The following HIVEP3 variants were observed in gnomAD, a reference collection of about 807,000 sequenced individuals.
HIVEP3 encodes the protein HIVEP zinc finger 3, also known as transcription factor HIVEP3.
HIVEP3 carries 49 observed loss-of-function variants against 152.8 expected under a neutral mutation model. The ratio of observed to expected loss-of-function variants is 0.32; its 90% CI spans 0.26 to 0.41. The LOEUF (loss-of-function observed/expected upper bound fraction) is 0.41, where lower values mean the gene tolerates loss of function less well. Ranked by LOEUF, HIVEP3 falls within the 10% of genes least tolerant of loss-of-function variation. The pLI, the probability that HIVEP3 is intolerant of heterozygous loss-of-function variation, is 1.00. For missense variants in HIVEP3, 2,790 were observed against 3,103.3 expected, an observed-to-expected ratio of 0.90 and a Z score of 2.40; for synonymous variants, 1,269 against 1,289.0, an observed-to-expected ratio of 0.98 and a Z score of 0.33.
intron 3 of HIVEP3, among the ~76,000 whole-genome samples, chr1:41,625,958 A>G (rs1463280509): frequency 6.6e-6 from 1 of 152,252 alleles, no homozygotes; most frequent in Non-Finnish European, 1.5e-5. Context: ...TAAGACTATA[A>G]AAGTTTGAAA....
chr1:41,843,960 T>C (rs1287128220), intron 1 of HIVEP3, among the ~76,000 whole-genome samples: 4 of 152,018 alleles, frequency 2.6e-5, no homozygotes, highest in African/African-American at 9.6e-5. Context: ...CCCCTTCCTG[T>C]GTCCATGTGT....
intron 3 of HIVEP3, among the ~76,000 whole-genome samples, chr1:41,594,202 T>A (rs1644630693): frequency 6.6e-6 from 1 of 152,208 alleles, no homozygotes; most frequent in South Asian, 2.1e-4. Context: ...CACAAAGATA[T>A]CTTACGTTTC....
intron 1 of HIVEP3, among the ~76,000 whole-genome samples, chr1:41,968,449 G>A (rs1201489507): frequency 2.0e-5 from 3 of 152,086 alleles, no homozygotes; most frequent in Non-Finnish European, 4.4e-5. Context: ...CAGAACTAAA[G>A]ACAAAAATCA....
intron 7 of HIVEP3, among the ~76,000 whole-genome samples, chr1:41,515,629 T>C (rs961769255): frequency 6.6e-6 from 1 of 152,206 alleles, no homozygotes; most frequent in Non-Finnish European, 1.5e-5. Flanking sequence ...TTACAGCCCT[T>C]GCATTATTAC....
At chr1:41,840,125 C>A (rs1643244045) in intron 1 of HIVEP3, among the ~76,000 whole-genome samples, 1 of 152,168 alleles carries the variant, frequency 6.6e-6, no homozygotes, top group African/African-American at 2.4e-5. Flanking sequence ...CAGTTTGCCA[C>A]CGTCCCCGCC....
intron 1 of HIVEP3, among the ~76,000 whole-genome samples, chr1:41,755,566 C>T (rs1458650969): frequency 1.3e-5 from 2 of 150,894 alleles, no homozygotes; most frequent in Non-Finnish European, 2.9e-5. Context: ...TGACAAAGGA[C>T]TCATATCTAG....
intron 1 of HIVEP3, among the ~76,000 whole-genome samples, chr1:41,987,584 A>C (rs1418369563): frequency 6.6e-6 from 1 of 152,178 alleles, no homozygotes; most frequent in African/African-American, 2.4e-5. Flanking sequence ...AGACCAATGG[A>C]ACAGAATGGA....
At chr1:41,769,383 A>G (rs1648209908) in intron 1 of HIVEP3, among the ~76,000 whole-genome samples, 1 of 152,190 alleles carries the variant, frequency 6.6e-6, no homozygotes, top group Non-Finnish European at 1.5e-5. Flanking sequence ...TGTCCCACTA[A>G]ATGTGTCCAG....
chr1:41,603,945 TC>T (rs1485279116), intron 3 of HIVEP3, among the ~76,000 whole-genome samples: 1 of 152,232 alleles, frequency 6.6e-6, no homozygotes, highest in Non-Finnish European at 1.5e-5. Flanking sequence ...AAAACAATGC[TC>T]AATACAATTT....
At chr1:41,960,536 TCA>T (rs1367698757) in intron 1 of HIVEP3, among the ~76,000 whole-genome samples, 1 of 152,188 alleles carries the variant, frequency 6.6e-6, no homozygotes, top group Non-Finnish European at 1.5e-5. Flanking sequence ...ATGGCACATC[TCA>T]CACTCTAGAG....
intron 1 of HIVEP3, among the ~76,000 whole-genome samples, chr1:41,896,302 G>A (rs1372152008): frequency 6.6e-6 from 1 of 152,212 alleles, no homozygotes; most frequent in African/African-American, 2.4e-5. Flanking sequence ...TGAAATGTAT[G>A]GGCATCAACC....
At chr1:41,810,188 C>G (rs1650868774) in intron 1 of HIVEP3, among the ~76,000 whole-genome samples, 1 of 152,200 alleles carries the variant, frequency 6.6e-6, no homozygotes, top group Non-Finnish European at 1.5e-5. Context: ...TGTAGAAATC[C>G]ACATCCAAGA....
chr1:41,805,956 T>C (rs1228861297), intron 1 of HIVEP3, among the ~76,000 whole-genome samples: 3 of 152,116 alleles, frequency 2.0e-5, no homozygotes, highest in Non-Finnish European at 4.4e-5. Flanking sequence ...CTGAGCCTGA[T>C]TCCCCCCACT....
intron 1 of HIVEP3, among the ~76,000 whole-genome samples, chr1:41,801,597 C>G (rs1401253114): frequency 6.6e-6 from 1 of 152,052 alleles, no homozygotes; most frequent in Non-Finnish European, 1.5e-5. Context: ...CCTAGGGAAT[C>G]AGCTGGGCAT....
At chr1:41,711,747 C>A (rs1431476258) in intron 1 of HIVEP3, among the ~76,000 whole-genome samples, 1 of 152,174 alleles carries the variant, frequency 6.6e-6, no homozygotes, top group African/African-American at 2.4e-5. Context: ...CTGTGTTGAG[C>A]GGCCCGAGTG....
intron 1 of HIVEP3, among the ~76,000 whole-genome samples, chr1:41,757,778 A>G (rs1475892082): frequency 6.6e-6 from 1 of 151,178 alleles, no homozygotes; most frequent in Non-Finnish European, 1.5e-5. Flanking sequence ...CAATGGTGCG[A>G]TCTCAGCTCA....
intron 1 of HIVEP3, among the ~76,000 whole-genome samples, chr1:41,894,044 C>T (rs1176642121): frequency 6.6e-6 from 1 of 151,832 alleles, no homozygotes; most frequent in Non-Finnish European, 1.5e-5. Context: ...CCTCAACCTC[C>T]TGAGTAGCTA....
intron 1 of HIVEP3, among the ~76,000 whole-genome samples, chr1:41,735,343 G>A (rs984013735): frequency 1.3e-5 from 2 of 152,226 alleles, no homozygotes; most frequent in Admixed American, 1.3e-4. Flanking sequence ...TGGTGAAGAA[G>A]ATGATGACGA....
upstream of HIVEP3, among the ~76,000 whole-genome samples, chr1:41,919,587 C>A (rs143467289): frequency 6.6e-6 from 1 of 152,302 alleles, no homozygotes; most frequent in African/African-American, 2.4e-5. Context: ...AGAGTCTTTA[C>A]GATTCAGACT....
Sources: allele counts gnomAD v4.1 joint callset (sites outside exome capture counted in the v4.1 genomes callset), GRCh38; gene constraint gnomAD v4.1.1; transcripts MANE v1.5; gene names NCBI Gene and HGNC (gene_info 2026-07-23, HGNC 2026-07-21).